TTC7B: variants seen among roughly 807,000 people sequenced by gnomAD.
TTC7B encodes the protein tetratricopeptide repeat protein 7B.
TTC7B carries 28 observed loss-of-function variants against 106.8 expected under a neutral mutation model. The ratio of observed to expected loss-of-function variants is 0.26; its 90% confidence interval spans 0.19 to 0.36. TTC7B has a LOEUF of 0.36. Among genes scored for constraint, TTC7B ranks in the 10% least tolerant of loss-of-function variants. The pLI is 1.00. For missense variants in TTC7B, 862 were observed against 1,076.4 expected (o/e 0.80, Z 2.79); for synonymous variants, 405 against 430.6 (o/e 0.94, Z 0.74).
chr14:90,646,154 G>A (rs1227218492), intron 14 of TTC7B, among the ~76,000 whole-genome samples: 1 of 152,198 alleles, frequency 6.6e-6, no homozygotes, highest in Non-Finnish European at 1.5e-5. Context: ...AAGCAACCAG[G>A]AAGACAGGTG....
chr14:90,731,764 G>C (rs1367550440), intron 4 of TTC7B, among the ~76,000 whole-genome samples: 3 of 152,182 alleles, frequency 2.0e-5, no homozygotes, highest in Admixed American at 2.0e-4. Flanking sequence ...CTCTTGAGAT[G>C]ACCGCATCCA....
chr14:90,659,213 T>TTGTG lies in TTC7B; in HGVS notation c.1153-830_1153-827dup, dbSNP rs148678143. Among the ~76,000 whole-genome samples, 109 of 146,718 alleles carry TTGTG rather than the reference T, an allele frequency of 7.4e-4. 1 individual carries two copies. Among genetic ancestry groups the TTGTG allele is most frequent in the Admixed American group, 1.7e-3 (25 of 14,870 alleles). ...GGCCCTTGTGTATGCACGAGTGTGA[T>TTGTG]TGTGTGTGTGTGTGTGTGAGAGAGA... On this transcript the variant is annotated intron_variant, in intron 9 of 19. Transcript: ENST00000328459.
chr14:90,596,628 C>A (rs929070459), intron 17 of TTC7B, among the ~76,000 whole-genome samples: 6 of 152,206 alleles, frequency 3.9e-5, no homozygotes, highest in Non-Finnish European at 5.9e-5. Flanking sequence ...TTCCATTTCT[C>A]CCTACAATAA....
intron 6 of TTC7B, among the ~76,000 whole-genome samples, chr14:90,692,060 T>C (rs1275983857): frequency 6.6e-6 from 1 of 152,260 alleles, no homozygotes; most frequent in Non-Finnish European, 1.5e-5. Context: ...TTCTTTTTTA[T>C]GGCTGAATGA....
chr14:90,689,505 C>G (rs1450174601), intron 7 of TTC7B, 35 bp downstream of exon 7: 1 of 1,580,312 alleles, frequency 6.3e-7, no homozygotes, highest in Non-Finnish European at 8.6e-7. Flanking sequence ...TCCTCCCAAC[C>G]CATAACCTAC....
chr14:90,656,921 T>A (rs1476869137), intron 11 of TTC7B, among the ~76,000 whole-genome samples: 1 of 152,208 alleles, frequency 6.6e-6, no homozygotes, highest in East Asian at 1.9e-4. Flanking sequence ...TGTCTTATTA[T>A]CATTATTCCT....
At chr14:90,636,735 A>C (rs746700421) in intron 15 of TTC7B, among the ~76,000 whole-genome samples, 58 of 152,022 alleles carry the variant, frequency 3.8e-4, no homozygotes, top group Non-Finnish European at 6.5e-4. Context: ...AACAAAAGAT[A>C]AGTTGAAAAA....
intron 4 of TTC7B, 136 bp from the exon 5 acceptor site, chr14:90,730,332 A>G: frequency 2.0e-6 from 2 of 1,011,380 alleles, no homozygotes; most frequent in Non-Finnish European, 2.7e-6. Context: ...GCACAGGTGT[A>G]GAAGTGCAAG....
At position 90,695,533 on chromosome 14, in the gene TTC7B, T is replaced by C. The variant is rs756516459; in HGVS notation, c.744A>G (p.Ala248=). 3 of 1,596,752 alleles carry C rather than the reference T, an allele frequency of 1.9e-6. No homozygotes were observed. Among genetic ancestry groups the C allele is most frequent in the Non-Finnish European group, 1.7e-6 (2 of 1,172,430 alleles). The change falls in exon 6 of 20, where the codon GCA becomes GCG. Residue 248 remains alanine, a synonymous_variant. Transcript: ENST00000328459. ...GVGRFRELLR[A]VETRTTQNLR... ...GGTTTTGAGTCGTTCTTGTTTCAACTGCTCTGAGAAGCTCTCTAAATCTTC... is the reference window on the plus strand; with the variant it reads ...GGTTTTGAGTCGTTCTTGTTTCAACCGCTCTGAGAAGCTCTCTAAATCTTC...
At chr14:90,684,594 T>C (rs939346654) in intron 7 of TTC7B, among the ~76,000 whole-genome samples, 11 of 152,168 alleles carry the variant, frequency 7.2e-5, no homozygotes, top group Admixed American at 7.2e-4. Context: ...ATAGTTCAAA[T>C]ATAAAGTTAG....
At chr14:90,755,960 G>A (rs79555126) in intron 3 of TTC7B, among the ~76,000 whole-genome samples, 1 of 152,376 alleles carries the variant, frequency 6.6e-6, no homozygotes, top group East Asian at 1.9e-4. Flanking sequence ...TTGAGGGGTA[G>A]CTGAAAAATG....
In TTC7B at chr14:90,694,592, C is replaced by G. The variant is rs184787672; in HGVS notation, c.777+908G>C. 2.7e-3 allele frequency among the ~76,000 whole-genome samples: 394 copies of G among 145,976 alleles called. 2 individuals carry two copies. Among genetic ancestry groups the G allele is most frequent in the African/African-American group, 9.4e-3 (375 of 39,740 alleles). On this transcript the variant is annotated intron_variant, in intron 6 of 19. Transcript: ENST00000328459. ...ACATATATGTATAATACATATATGT[C>G]ACATATATTATAAATATATGTATAA...
At chr14:90,618,322 A>C (rs1394468311) in intron 15 of TTC7B, among the ~76,000 whole-genome samples, 3 of 152,206 alleles carry the variant, frequency 2.0e-5, no homozygotes, top group African/African-American at 7.2e-5. Context: ...GAACACAGGG[A>C]ATTTATTAAA....
chr14:90,798,051 C>T (rs1192306347), intron 1 of TTC7B, among the ~76,000 whole-genome samples: 1 of 152,190 alleles, frequency 6.6e-6, no homozygotes, highest in African/African-American at 2.4e-5. Context: ...AATGTTAATG[C>T]ACGCAGAGGC....
chr14:90,584,464 T>C (rs776314582), intron 18 of TTC7B, among the ~76,000 whole-genome samples: 2 of 152,330 alleles, frequency 1.3e-5, no homozygotes, highest in Admixed American at 6.5e-5. Context: ...GCAGGCTGTG[T>C]GCCTGGACAG....
chr14:90,590,904 G>A (rs1055161024), intron 18 of TTC7B, among the ~76,000 whole-genome samples: 16 of 152,208 alleles, frequency 1.1e-4, no homozygotes, highest in African/African-American at 3.4e-4. Context: ...TTACAGGGTC[G>A]ACAGTCACTT....
intron 3 of TTC7B, among the ~76,000 whole-genome samples, chr14:90,770,679 A>G (rs1890835958): frequency 6.6e-6 from 1 of 152,012 alleles, no homozygotes; most frequent in Admixed American, 6.6e-5. Flanking sequence ...GAACAACCAG[A>G]CAGAAGTAAG....
chr14:90,593,360 A>G lies in TTC7B; in HGVS notation c.2107+126T>C. 2.2e-6 allele frequency: 3 copies of G among 1,334,804 alleles called. No individual in the cohort carries two copies. The South Asian group carries it at 5.5e-5, about 24-fold the overall frequency. The allele number at this position is 1,334,804 out of a possible 1,614,324, so 82.7% of individuals were successfully genotyped here. A position where few individuals can be genotyped will look rare whatever the true frequency, so the allele number is the denominator to read the frequency against. On this transcript the variant is annotated intron_variant, in intron 18 of 19. Coordinates refer to ENST00000328459, the MANE Select transcript of TTC7B (RefSeq NM_001010854.2). Reference sequence around the variant, plus strand: ...TTTGGTGCATGGCCGTGAAGCTTTGATCTCTCCTAATGAGGGGTGTGGGCT... The same window carrying G: ...TTTGGTGCATGGCCGTGAAGCTTTGGTCTCTCCTAATGAGGGGTGTGGGCT...
intron 1 of TTC7B, among the ~76,000 whole-genome samples, chr14:90,811,577 G>T (rs2030903225): frequency 6.6e-6 from 1 of 151,764 alleles, no homozygotes; most frequent in Non-Finnish European, 1.5e-5. Flanking sequence ...CATCACTGTG[G>T]ATGCCCGTGC....
Sources: gnomAD v4.1 joint callset for allele counts (sites outside exome capture counted in the v4.1 genomes callset) on GRCh38, gnomAD v4.1.1 for gene constraint, MANE v1.5 for transcripts, NCBI Gene and HGNC (gene_info 2026-07-23, HGNC 2026-07-21) for gene names.